Variants in NBAS observed in about 807,000 individuals in gnomAD.
NBAS encodes NAG/BC035112 fusion.
In NBAS, 219 loss-of-function variants were observed where a neutral mutation model predicts 302.5. That is an observed-to-expected ratio of 0.72 (90% CI 0.65 to 0.81). The LOEUF is 0.81. NBAS is among the 30% of genes least tolerant of loss of function. NBAS has a pLI of 0.00. For missense variants in NBAS, 2,932 were observed against 2,841.6 expected (o/e 1.03, Z -0.72); for synonymous variants, 1,118 against 1,021.6 (o/e 1.09, Z -1.80).
At chr2:15,352,209 G>A in intron 34 of NBAS, 128 bp from the exon 35 acceptor site, 1 of 687,210 alleles carries the variant, frequency 1.5e-6, no homozygotes, top group Non-Finnish European at 2.5e-6. Context: ...ATTAGTTTTG[G>A]TAACAGGCTT....
chr2:14,988,759 T>C, the NBAS span, among the ~76,000 whole-genome samples: 1 of 152,202 alleles, frequency 6.6e-6, no homozygotes, highest in African/African-American at 2.4e-5. Flanking sequence ...AGTTTCTGCC[T>C]ATTAAGTAAA....
the NBAS span, among the ~76,000 whole-genome samples, chr2:14,829,493 C>T: frequency 2.0e-5 from 3 of 152,168 alleles, no homozygotes; most frequent in African/African-American, 7.2e-5. Context: ...ATCATTAAAA[C>T]AGCCAACTTT....
Position 15,424,436 on chromosome 2 carries a change from C to A in NBAS, c.2456G>T (p.Ser819Ile), listed in dbSNP as rs2148478179. 1 of 1,614,126 alleles carries A rather than the reference C, an allele frequency of 6.2e-7. No individual in the cohort carries two copies. Among genetic ancestry groups the A allele is most frequent in the Admixed American group, 1.7e-5 (1 of 60,016 alleles). The change falls in exon 23 of 52, where the codon AGT becomes ATT. Residue 819 changes from serine (S) to isoleucine (I), a missense_variant. Ser to Ile is a moderately radical substitution (Grantham distance 142). Coordinates refer to ENST00000281513, the MANE Select transcript of NBAS (RefSeq NM_015909.4). ...MVVEPNLQDE[S>I]EFLYAAQPEL... Reference sequence around the variant, plus strand: ...AGGCTGTGCAGCATACAAGAATTCACTTTCATCTTGGAGATTCGGCTCAAC... The same window carrying A: ...AGGCTGTGCAGCATACAAGAATTCAATTTCATCTTGGAGATTCGGCTCAAC...
chr2:15,275,986 T>C (rs1039987348), intron 43 of NBAS, among the ~76,000 whole-genome samples, 168 bp from the exon 44 acceptor site: 5 of 152,036 alleles, frequency 3.3e-5, no homozygotes, highest in Non-Finnish European at 7.4e-5. Flanking sequence ...GAGATCTGAG[T>C]TCCAGTCACA....
At chr2:14,825,242 C>T in the NBAS span, among the ~76,000 whole-genome samples, 1 of 152,072 alleles carries the variant, frequency 6.6e-6, no homozygotes, top group Non-Finnish European at 1.5e-5. Context: ...GCTCTGGCCA[C>T]CTGCAGGTGC....
chr2:15,501,950 A>G lies in NBAS; in HGVS notation c.954+2195T>C, dbSNP rs535573979. Among the ~76,000 whole-genome samples the G allele has an allele frequency of 7.2e-5, 11 of 152,256 alleles. No homozygotes were observed. The South Asian group carries it at 1.9e-3, about 26-fold the overall frequency. On this transcript the variant is annotated intron_variant, in intron 11 of 51. Transcript: ENST00000281513. ...GCTAAGAGGAGCACATTTTAAGAGA[A>G]ACATAATTGCTGCCAAACTTGAGTA...
intron 4 of NBAS, 42 bp downstream of exon 4, chr2:15,554,019 G>A (rs780855629): frequency 3.3e-6 from 5 of 1,521,998 alleles, no homozygotes. Flanking sequence ...AAATGTAAAA[G>A]CTAATCCAGA....
At chr2:14,977,096 A>G in the NBAS span, among the ~76,000 whole-genome samples, 5 of 152,344 alleles carry the variant, frequency 3.3e-5, no homozygotes, top group African/African-American at 1.2e-4. Context: ...ATGAAGCTCA[A>G]TCTTTAACAG....
At chr2:14,792,558 T>C in the NBAS span, among the ~76,000 whole-genome samples, 1 of 152,040 alleles carries the variant, frequency 6.6e-6, no homozygotes, top group African/African-American at 2.4e-5. Flanking sequence ...AAATATATGA[T>C]TTCTGCATCA....
the NBAS span, among the ~76,000 whole-genome samples, chr2:14,868,000 C>T: frequency 6.6e-6 from 1 of 152,192 alleles, no homozygotes; most frequent in Non-Finnish European, 1.5e-5. Context: ...TCTCACTTCA[C>T]ATTCTTTATT....
chr2:14,895,024 C>A, the NBAS span, among the ~76,000 whole-genome samples: 403 of 152,248 alleles, frequency 2.6e-3, 1 homozygote, highest in Non-Finnish European at 4.1e-3. Flanking sequence ...TCACTGCACT[C>A]CAGCCTGGTG....
chr2:15,169,095 G>A (rs1664168939), intron 51 of NBAS, among the ~76,000 whole-genome samples: 1 of 152,142 alleles, frequency 6.6e-6, no homozygotes, highest in African/African-American at 2.4e-5. Flanking sequence ...AACTGCACAA[G>A]TACACGATAA....
chr2:14,880,879 A>G, the NBAS span, among the ~76,000 whole-genome samples: 1 of 151,912 alleles, frequency 6.6e-6, no homozygotes, highest in Admixed American at 6.6e-5. Flanking sequence ...TACAGAAATT[A>G]TTAGGCTTTA....
At chr2:15,093,395 A>G in the NBAS span, among the ~76,000 whole-genome samples, 10 of 152,368 alleles carry the variant, frequency 6.6e-5, no homozygotes, top group South Asian at 1.9e-3. Flanking sequence ...CAGCCTGAGC[A>G]ACAGAGCAAC....
At position 15,542,658 on chromosome 2, in the gene NBAS, T is replaced by TA. The variant is rs984610167; in HGVS notation, c.380-3303dup. Among the ~76,000 whole-genome samples the TA allele has an allele frequency of 6.7e-3, 988 of 147,684 alleles. 2 individuals carry two copies. The highest frequency in any genetic ancestry group is 0.022 in the South Asian group (103 of 4,686). The stretch of plus-strand genomic sequence containing the variant: ...AAATAAATAAATAAGATAAAAAAAA[T>TA]AAAAAAAAAATCAAACTTCAAAGCA... On this transcript the variant is annotated intron_variant, in intron 6 of 51. Coordinates refer to ENST00000281513, the MANE Select transcript of NBAS (RefSeq NM_015909.4).
the NBAS span, among the ~76,000 whole-genome samples, chr2:15,011,640 C>T: frequency 6.6e-6 from 1 of 152,110 alleles, no homozygotes; most frequent in Non-Finnish European, 1.5e-5. Flanking sequence ...GCAAAAGAGC[C>T]CCATGGCCCC....
chr2:14,792,066 GA>G, the NBAS span, among the ~76,000 whole-genome samples: 2 of 152,008 alleles, frequency 1.3e-5, no homozygotes, highest in Non-Finnish European at 2.9e-5. Context: ...CCTGGCCTGG[GA>G]AAACCACTCC....
chr2:14,870,863 A>T, the NBAS span, among the ~76,000 whole-genome samples: 1 of 152,162 alleles, frequency 6.6e-6, no homozygotes, highest in Non-Finnish European at 1.5e-5. Context: ...ATTATTATCA[A>T]TATGTTCCTT....
At chr2:15,499,476 C>T (rs1681201214) in intron 11 of NBAS, among the ~76,000 whole-genome samples, 1 of 152,144 alleles carries the variant, frequency 6.6e-6, no homozygotes, top group Non-Finnish European at 1.5e-5. Context: ...GAGCTGGAGG[C>T]CATTATCCTT....
Sources: allele counts gnomAD v4.1 joint callset (sites outside exome capture counted in the v4.1 genomes callset), GRCh38; gene constraint gnomAD v4.1.1; transcripts MANE v1.5; gene names NCBI Gene and HGNC (gene_info 2026-07-23, HGNC 2026-07-21).